Variants in TRIP12 observed in about 807,000 individuals in gnomAD.
TRIP12 encodes thyroid hormone receptor interactor 12, also known as E3 ubiquitin-protein ligase TRIP12.
A neutral mutation model predicts 244.2 loss-of-function variants in TRIP12; 25 were observed. That is an observed-to-expected ratio of 0.10 (90% CI 0.07 to 0.14). The LOEUF is 0.14. Ranked by LOEUF, TRIP12 falls within the 10% of genes least tolerant of loss-of-function variation. TRIP12 has a pLI of 1.00. For missense variants in TRIP12, 1,677 were observed against 2,486.4 expected, an observed-to-expected ratio of 0.67 and a Z score of 6.92; for synonymous variants, 905 against 873.1, an observed-to-expected ratio of 1.04 and a Z score of -0.64.
chr2:229,902,215 C>T (rs1171757875), intron 1 of TRIP12, among the ~76,000 whole-genome samples: 3 of 152,176 alleles, frequency 2.0e-5, no homozygotes, highest in Middle Eastern at 6.8e-3. Context: ...GAAACCCCGC[C>T]TCTGCTAAAA....
chr2:229,881,959 A>C (rs1365224388), intron 1 of TRIP12, among the ~76,000 whole-genome samples: 1 of 152,250 alleles, frequency 6.6e-6, no homozygotes, highest in Non-Finnish European at 1.5e-5. Context: ...ATAAGGAATT[A>C]AACAGGCTGC....
chr2:229,919,240 ACT>A (rs1211927581), intron 1 of TRIP12, among the ~76,000 whole-genome samples: 4 of 151,718 alleles, frequency 2.6e-5, no homozygotes, highest in South Asian at 2.1e-4. Flanking sequence ...ACATGGTGAA[ACT>A]CTGTCTCTAC....
intron 1 of TRIP12, among the ~76,000 whole-genome samples, chr2:229,905,209 C>T (rs947308275): frequency 1.3e-5 from 2 of 149,988 alleles, no homozygotes; most frequent in African/African-American, 2.5e-5. Context: ...GGGAGGCAGA[C>T]GTTGCGGTGA....
chr2:229,773,380 A>G (rs576303115), intron 38 of TRIP12, among the ~76,000 whole-genome samples: 9 of 151,980 alleles, frequency 5.9e-5, no homozygotes, highest in African/African-American at 1.7e-4. Context: ...AGCCTAATAT[A>G]TATATATGTA....
rs554845260 is a variant in TRIP12, at chr2:229,779,000, A to G, written c.5095-10T>C. The G allele has an allele frequency of 6.2e-7, 1 of 1,607,164 alleles. No individual in the cohort carries two copies. Among genetic ancestry groups the G allele is most frequent in the South Asian group, 1.1e-5 (1 of 90,284 alleles). On this transcript the variant is annotated splice_polypyrimidine_tract_variant and intron_variant, in intron 34 of 41. Transcript: ENST00000675903. The surrounding 1 kb of genome is among the most constrained non-coding windows in gnomAD (Gnocchi z 4.1). ...CAAGACCTGTACCAACCTACAGAAG[A>G]ACACAAGTAGAACGATTTCAAATTT...
In TRIP12 at chr2:229,906,633, T is replaced by C. The variant is rs145438675; in HGVS notation, c.-50+15247A>G. Among the ~76,000 whole-genome samples the C allele has an allele frequency of 5.0e-3, 753 of 150,566 alleles. 7 individuals are homozygous for C. The highest frequency in any genetic ancestry group is 0.018 in the African/African-American group (732 of 40,970). ...TACTTGGGAGGCTGAGGCAGAAGAATTGCTTGAACCTGGGAGGCAGAGGTT... is the reference window on the plus strand; with the variant it reads ...TACTTGGGAGGCTGAGGCAGAAGAACTGCTTGAACCTGGGAGGCAGAGGTT... On this transcript the variant is annotated intron_variant, in intron 1 of 41. Transcript: ENST00000675903.
intron 30 of TRIP12, among the ~76,000 whole-genome samples, chr2:229,790,008 ACTC>A (rs1559414315): frequency 1.3e-5 from 2 of 152,098 alleles, no homozygotes. Context: ...AGGAAAGCTG[ACTC>A]CTCCACATTT....
In TRIP12 at chr2:229,814,227, A is replaced by G. The variant is rs1415432681; in HGVS notation, c.1824+6T>C. On this transcript the variant is annotated splice_donor_region_variant and intron_variant, in intron 12 of 41. Coordinates refer to ENST00000675903, the MANE Select transcript of TRIP12 (RefSeq NM_001348323.3). ...AAATGTAGTCCCCTTCAGTAACAAC[A>G]CTTACCGCCTGTAGAATGGCTTTAC... The G allele has an allele frequency of 6.2e-7, 1 of 1,613,798 alleles. No individual in the cohort carries two copies. The highest frequency in any genetic ancestry group is 8.5e-7 in the Non-Finnish European group (1 of 1,179,766).
Position 229,858,747 on chromosome 2 carries a change from G to A in TRIP12, c.1027+25C>T, listed in dbSNP as rs750037497. On this transcript the variant is annotated intron_variant, in intron 4 of 41. Transcript: ENST00000675903. ...CCAAGAGAAACTTTCTTTAATTAAA[G>A]AAAAATACCTTTTTGTAAACTTACT... The A allele has an allele frequency of 3.4e-5, 53 of 1,538,862 alleles. 1 individual carries two copies. The highest frequency in any genetic ancestry group is 3.7e-4 in the Middle Eastern group (2 of 5,402).
upstream of TRIP12, chr2:229,922,546 A>C: frequency 6.2e-7 from 1 of 1,613,872 alleles, no homozygotes; most frequent in Non-Finnish European, 8.5e-7. Flanking sequence ...CTCTCTTTGA[A>C]ACTGTAGGAC....
intron 2 of TRIP12, among the ~76,000 whole-genome samples, chr2:229,867,994 A>C (rs1364286886): frequency 1.3e-5 from 2 of 152,228 alleles, no homozygotes; most frequent in African/African-American, 4.8e-5. Context: ...GACCAAGGCA[A>C]CCATGCCATT....
In TRIP12 at chr2:229,807,767, A is replaced by C. The variant is rs77349483; in HGVS notation, c.2437T>G (p.Trp813Gly). The C allele has an allele frequency of 6.2e-7, 1 of 1,614,030 alleles. No individual in the cohort carries two copies. Among genetic ancestry groups the C allele is most frequent in the African/African-American group, 1.3e-5 (1 of 74,916 alleles). The change falls in exon 17 of 42, where the codon TGG (tryptophan) becomes GGG (glycine). Residue 813 changes from tryptophan to glycine, a missense_variant. Around this residue, in one of 11 missense-constraint regions of TRIP12, gnomAD observed 572 missense variants for 867.8 expected, o/e 0.66. Transcript: ENST00000675903. ...TGCCAGAGGCCCCGATCATCACGCC[A>C]CTGCCATATCGCACCATCTGTGTTC... ...AQNTDGAIWQ[W>G]RDDRGLWHPY...
chr2:229,767,900 G>C, intron 41 of TRIP12, 150 bp from the exon 42 acceptor site: 1 of 749,910 alleles, frequency 1.3e-6, no homozygotes, highest in East Asian at 2.8e-5. Flanking sequence ...TAAGTGCAAG[G>C]AACCTGCTTT....
intron 22 of TRIP12, 82 bp downstream of exon 22, chr2:229,799,201 A>G: frequency 2.0e-6 from 3 of 1,533,152 alleles, no homozygotes; most frequent in Non-Finnish European, 2.7e-6. Context: ...TTCAAGAGCT[A>G]CTGGCAGTTT....
intron 1 of TRIP12, among the ~76,000 whole-genome samples, chr2:229,907,784 C>CAG (rs10626706): frequency 0.99 from 150,740 of 152,134 alleles, 74,688 homozygotes; most frequent in Middle Eastern, 1. Flanking sequence ...GTCTAAACAA[C>CAG]AGAGAGACCT....
At chr2:229,807,108 A>C in intron 17 of TRIP12, among the ~76,000 whole-genome samples, 1 of 152,220 alleles carries the variant, frequency 6.6e-6, no homozygotes, top group East Asian at 1.9e-4. Flanking sequence ...ACATTTTGGT[A>C]CATTCCTCCC....
At chr2:229,860,943 C>G (rs1228441964) in intron 2 of TRIP12, among the ~76,000 whole-genome samples, 1 of 152,104 alleles carries the variant, frequency 6.6e-6, no homozygotes, top group African/African-American at 2.4e-5. Context: ...ACGGAAAAGA[C>G]AATTGATGAT....
At chr2:229,922,234 G>T (rs1479967226), upstream of TRIP12, 2 of 411,972 alleles carry the variant, frequency 4.9e-6, no homozygotes, top group East Asian at 9.2e-5. Context: ...ACCAGGAAGG[G>T]GACTGTGGAG....
chr2:229,881,678 A>G (rs909855689), intron 1 of TRIP12, among the ~76,000 whole-genome samples: 4 of 152,210 alleles, frequency 2.6e-5, no homozygotes, highest in Admixed American at 2.0e-4. Context: ...AAATAAATAC[A>G]ATTAAACATT....
Sources: gnomAD v4.1 joint callset for allele counts (sites outside exome capture counted in the v4.1 genomes callset) on GRCh38, gnomAD v4.1.1 for gene constraint, gnomAD v4.1.1 regional missense constraint, Gnocchi (gnomAD v3.1) non-coding constraint, MANE v1.5 for transcripts, NCBI Gene and HGNC (gene_info 2026-07-23, HGNC 2026-07-21) for gene names.